Variants in FRMD4A observed in about 807,000 individuals in gnomAD.
The protein encoded by FRMD4A is FERM domain containing 4A.
A neutral mutation model predicts 129.1 loss-of-function variants in FRMD4A; 29 were observed. The observed-to-expected ratio is 0.22, with a 90% CI of 0.17 to 0.31. The LOEUF is 0.31. Ranked by LOEUF, FRMD4A falls within the 10% of genes least tolerant of loss-of-function variation. The pLI is 1.00. For synonymous variants in FRMD4A, 634 were observed against 571.6 expected (o/e 1.11, Z -1.56); for missense variants, 1,272 against 1,375.8 (o/e 0.92, Z 1.19).
chr10:13,889,162 T>G (rs765212388), intron 2 of FRMD4A, among the ~76,000 whole-genome samples: 1 of 152,216 alleles, frequency 6.6e-6, no homozygotes, highest in Non-Finnish European at 1.5e-5. Context: ...CACCCAACAC[T>G]TACTTAAAGA....
At chr10:13,872,104 C>G (rs1213488269) in intron 2 of FRMD4A, among the ~76,000 whole-genome samples, 1 of 152,242 alleles carries the variant, frequency 6.6e-6, no homozygotes, top group Non-Finnish European at 1.5e-5. Context: ...ACGCTGAATG[C>G]TGAACCACTG....
intron 2 of FRMD4A, among the ~76,000 whole-genome samples, chr10:14,143,266 T>C (rs1589067151): frequency 6.6e-6 from 1 of 152,214 alleles, no homozygotes; most frequent in Admixed American, 6.5e-5. Flanking sequence ...AAACAAAACA[T>C]GGTATATACA....
At chr10:14,184,288 C>G (rs1247488406) in intron 2 of FRMD4A, among the ~76,000 whole-genome samples, 1 of 103,572 alleles carries the variant, frequency 9.7e-6, no homozygotes, top group Non-Finnish European at 2.1e-5. Context: ...CATACCACCA[C>G]AACCGGTTAA....
intron 2 of FRMD4A, among the ~76,000 whole-genome samples, chr10:13,988,776 GTCTA>G (rs887584327): frequency 2.6e-5 from 4 of 151,762 alleles, no homozygotes; most frequent in African/African-American, 7.2e-5. Context: ...CTATCCATCC[GTCTA>G]TCTATCTATC....
At chr10:14,310,197 T>G (rs996178520) in intron 2 of FRMD4A, among the ~76,000 whole-genome samples, 12 of 152,296 alleles carry the variant, frequency 7.9e-5, no homozygotes, top group African/African-American at 2.9e-4. Flanking sequence ...GCTCTCGCCT[T>G]ATTGGGTTTT....
rs192488245 is a variant in FRMD4A at position 13,892,298 on chromosome 10, T to C, written c.46-33386A>G. Reference sequence around the variant, plus strand: ...TGGCTGAAGGCACAGCTCTTACCCCTCGATCTAGTCCAATTGTATTGAATT... The same window carrying C: ...TGGCTGAAGGCACAGCTCTTACCCCCCGATCTAGTCCAATTGTATTGAATT... On this transcript the variant is annotated intron_variant, in intron 2 of 24. Transcript: ENST00000357447. Among the ~76,000 whole-genome samples, 83 of 152,138 alleles carry C rather than the reference T, an allele frequency of 5.5e-4. 1 individual carries two copies. The East Asian group carries it at 0.016, about 30-fold the overall frequency.
intron 2 of FRMD4A, among the ~76,000 whole-genome samples, chr10:14,252,461 C>A (rs559659546): frequency 6.6e-6 from 1 of 152,236 alleles, no homozygotes; most frequent in African/African-American, 2.4e-5. Context: ...TTTTGGGGTA[C>A]TTTATGATAT....
At chr10:14,224,772 G>C (rs1338909413) in intron 2 of FRMD4A, among the ~76,000 whole-genome samples, 1 of 152,158 alleles carries the variant, frequency 6.6e-6, no homozygotes, top group Non-Finnish European at 1.5e-5. Context: ...TAAGAGGAGA[G>C]AATTGACTAA....
chr10:14,112,587 G>A lies in FRMD4A; in HGVS notation c.45+217471C>T, dbSNP rs189288786. Among the ~76,000 whole-genome samples, 128 of 152,240 alleles carry A rather than the reference G, an allele frequency of 8.4e-4. 1 individual carries two copies. Among genetic ancestry groups the A allele is most frequent in the African/African-American group, 2.5e-3 (103 of 41,538 alleles). ...GTAGCCCAGGCTGGACTGTAGTGGC[G>A]CCATCTTGGCTCACTGTAACGTCTG... On this transcript the variant is annotated intron_variant, in intron 2 of 24. Coordinates refer to ENST00000357447, the MANE Select transcript of FRMD4A (RefSeq NM_018027.5).
At chr10:13,808,011 C>T (rs1164294248) in intron 4 of FRMD4A, among the ~76,000 whole-genome samples, 1 of 152,062 alleles carries the variant, frequency 6.6e-6, no homozygotes, top group African/African-American at 2.4e-5. Flanking sequence ...GTTGGCCAGG[C>T]TGGTCTCGAA....
chr10:14,107,247 T>C (rs1321040682), intron 2 of FRMD4A, among the ~76,000 whole-genome samples: 1 of 152,124 alleles, frequency 6.6e-6, no homozygotes, highest in Non-Finnish European at 1.5e-5. Context: ...ACCTATTGGG[T>C]ACTATGCTCA....
At chr10:14,189,269 G>C (rs2131919223) in intron 2 of FRMD4A, among the ~76,000 whole-genome samples, 1 of 152,256 alleles carries the variant, frequency 6.6e-6, no homozygotes, top group South Asian at 2.1e-4. Context: ...GGTGGAAAAA[G>C]GGGTAAGAGG....
intron 2 of FRMD4A, among the ~76,000 whole-genome samples, chr10:13,972,688 T>C (rs149442613): frequency 3.9e-5 from 6 of 152,216 alleles, no homozygotes; most frequent in African/African-American, 9.7e-5. Flanking sequence ...GTTGTTTTGA[T>C]TGTTGATTAT....
At chr10:13,997,356 C>G (rs1267632636) in intron 2 of FRMD4A, among the ~76,000 whole-genome samples, 2 of 152,262 alleles carry the variant, frequency 1.3e-5, no homozygotes, top group East Asian at 3.9e-4. Context: ...CTCTCTGTGT[C>G]CAGGACTGAC....
At chr10:14,068,648 C>T (rs1835172464) in intron 2 of FRMD4A, among the ~76,000 whole-genome samples, 1 of 152,174 alleles carries the variant, frequency 6.6e-6, no homozygotes, top group African/African-American at 2.4e-5. Flanking sequence ...ACAAACTTTA[C>T]ATTTGACATC....
chr10:14,104,560 T>C (rs11813391), intron 2 of FRMD4A, among the ~76,000 whole-genome samples: 22,554 of 152,218 alleles, frequency 0.15, 3,405 homozygotes, highest in African/African-American at 0.39. Flanking sequence ...GGCTCTACGG[T>C]GGCCCCGCTC....
chr10:14,082,514 T>C (rs1484236728), intron 2 of FRMD4A, among the ~76,000 whole-genome samples: 1 of 152,130 alleles, frequency 6.6e-6, no homozygotes, highest in African/African-American at 2.4e-5. Flanking sequence ...TCCTCCATGC[T>C]GTGGTATCTG....
At chr10:14,070,319 G>T (rs1433028086) in intron 2 of FRMD4A, among the ~76,000 whole-genome samples, 1 of 152,196 alleles carries the variant, frequency 6.6e-6, no homozygotes. Flanking sequence ...CTCACAAATT[G>T]TAATGTAATT....
chr10:13,945,757 C>G (rs1233440679), intron 2 of FRMD4A, among the ~76,000 whole-genome samples: 1 of 152,140 alleles, frequency 6.6e-6, no homozygotes, highest in African/African-American at 2.4e-5. Flanking sequence ...CCCAGGAAAT[C>G]TTGCCACCTC....
Sources: gnomAD v4.1 joint callset for allele counts (sites outside exome capture counted in the v4.1 genomes callset) on GRCh38, gnomAD v4.1.1 for gene constraint, MANE v1.5 for transcripts, NCBI Gene and HGNC (gene_info 2026-07-23, HGNC 2026-07-21) for gene names.